Variants in INPP5D observed in about 807,000 individuals in gnomAD.
INPP5D encodes the protein phosphatidylinositol 3,4,5-trisphosphate 5-phosphatase 1.
In INPP5D, 33 loss-of-function variants were observed where a neutral mutation model predicts 122.9. The ratio of observed to expected loss-of-function variants is 0.27; its 90% CI spans 0.20 to 0.36. INPP5D has a LOEUF of 0.36. INPP5D is among the 10% of genes least tolerant of loss of function. The pLI is 1.00. For missense variants in INPP5D, 1,053 were observed against 1,412.7 expected (o/e 0.75, Z 4.08); for synonymous variants, 584 against 576.2 (o/e 1.01, Z -0.19).
chr2:233,178,211 C>T (rs1197522872), intron 18 of INPP5D, among the ~76,000 whole-genome samples: 2 of 152,044 alleles, frequency 1.3e-5, no homozygotes, highest in Non-Finnish European at 2.9e-5. Context: ...GGGGGAGGAT[C>T]GCTTGAGCCC....
chr2:233,122,734 G>A (rs1693026800), intron 3 of INPP5D, among the ~76,000 whole-genome samples: 1 of 152,272 alleles, frequency 6.6e-6, no homozygotes, highest in African/African-American at 2.4e-5. Flanking sequence ...TTGAGTCCAG[G>A]AGTTCAAGGT....
At chr2:233,066,729 C>T (rs1346230512) in intron 1 of INPP5D, among the ~76,000 whole-genome samples, 1 of 151,892 alleles carries the variant, frequency 6.6e-6, no homozygotes, top group Non-Finnish European at 1.5e-5. Context: ...GCCTCAGGCT[C>T]CTGAGTAGCT....
At chr2:233,165,125 G>C (rs1694294403) in intron 13 of INPP5D, among the ~76,000 whole-genome samples, 1 of 151,956 alleles carries the variant, frequency 6.6e-6, no homozygotes, top group Non-Finnish European at 1.5e-5. Flanking sequence ...ATGTGAGTTT[G>C]TGTGAGTGAC....
At chr2:233,152,673 C>T (rs1022654147) in intron 9 of INPP5D, among the ~76,000 whole-genome samples, 17 of 152,092 alleles carry the variant, frequency 1.1e-4, no homozygotes, top group Admixed American at 9.8e-4. Flanking sequence ...TGGCTGTGCC[C>T]AACCCAGGGA....
At chr2:233,148,686 G>T (rs539976676) in intron 9 of INPP5D, among the ~76,000 whole-genome samples, 2 of 152,086 alleles carry the variant, frequency 1.3e-5, no homozygotes, top group Non-Finnish European at 2.9e-5. Context: ...GGCTGATGGC[G>T]AATGGACATC....
At chr2:233,195,639 G>A (rs1695165328) in intron 24 of INPP5D, 144 bp downstream of exon 24, 1 of 1,404,228 alleles carries the variant, frequency 7.1e-7, no homozygotes, top group Non-Finnish European at 9.6e-7. Flanking sequence ...TTGAGCCTAG[G>A]AGTTTGAGAC....
rs1691596737 is a variant in INPP5D at position 233,078,870 on chromosome 2, A to G, written c.135-465A>G. Among the ~76,000 whole-genome samples the G allele has an allele frequency of 6.6e-6, 1 of 151,896 alleles. No individual in the cohort carries two copies. The highest frequency in any genetic ancestry group is 1.5e-5 in the Non-Finnish European group (1 of 67,976). On this transcript the variant is annotated intron_variant, in intron 1 of 26. Coordinates refer to ENST00000445964, the MANE Select transcript of INPP5D (RefSeq NM_001017915.3). The surrounding 1 kb of genome is among the most constrained non-coding windows in gnomAD (Gnocchi z 4.6). ...GCTAATTTTTGTATTTTTAGTAGAG[A>G]TGGGATTTCACCATGTTGGCCAGGA...
chr2:233,061,917 C>G (rs1426307290), intron 1 of INPP5D, among the ~76,000 whole-genome samples: 1 of 152,234 alleles, frequency 6.6e-6, no homozygotes, highest in African/African-American at 2.4e-5. Flanking sequence ...TCAGCTGGGG[C>G]ACTGGAAACC....
rs1407255183 is a variant in INPP5D at position 233,189,401 on chromosome 2, G to A, written c.2359-449G>A. On this transcript the variant is annotated intron_variant, in intron 21 of 26. Transcript: ENST00000445964. This position sits in a 1 kb window ranked among gnomAD's most constrained non-coding sequence, Gnocchi z 5.6. ...GCTGGGATGCAGCCACAGTCCTGGA[G>A]GGGGCCAAGGAGAAATTCTGTGCTC... Among the ~76,000 whole-genome samples the A allele has an allele frequency of 6.6e-6, 1 of 152,234 alleles. No homozygotes were observed. Among genetic ancestry groups the A allele is most frequent in the Non-Finnish European group, 1.5e-5 (1 of 68,044 alleles).
intron 2 of INPP5D, among the ~76,000 whole-genome samples, chr2:233,114,526 G>A (rs1183313420): frequency 5.3e-5 from 8 of 152,166 alleles, no homozygotes; most frequent in Admixed American, 3.3e-4. Context: ...GGGCAAACGC[G>A]GCAGGAGGTC....
chr2:233,147,626 C>A (rs193042001), intron 9 of INPP5D, 32 bp downstream of exon 9: 2 of 699,778 alleles, frequency 2.9e-6, no homozygotes, highest in Non-Finnish European at 5.2e-6. Flanking sequence ...AACCACTGCC[C>A]CTCACCTGCC....
intron 26 of INPP5D, chr2:233,204,941 A>G (rs920367908): frequency 3.0e-6 from 2 of 657,354 alleles, no homozygotes; most frequent in Admixed American, 7.6e-5. Flanking sequence ...TGTCCCACAC[A>G]TCCCTGACCC....
At chr2:233,112,079 A>G (rs1025305419) in intron 2 of INPP5D, among the ~76,000 whole-genome samples, 3 of 151,620 alleles carry the variant, frequency 2.0e-5, no homozygotes, top group Non-Finnish European at 2.9e-5. Context: ...AAAAAAAAAA[A>G]AAGAACAATG....
chr2:233,080,700 G>A (rs1448758741), intron 2 of INPP5D, among the ~76,000 whole-genome samples: 2 of 152,194 alleles, frequency 1.3e-5, no homozygotes, highest in Admixed American at 6.5e-5. Context: ...GTGCTAACTA[G>A]GATGCAGTAG....
At chr2:233,148,466 C>A (rs1693830870) in intron 9 of INPP5D, among the ~76,000 whole-genome samples, 1 of 152,124 alleles carries the variant, frequency 6.6e-6, no homozygotes, top group Non-Finnish European at 1.5e-5. Flanking sequence ...GGGCAGGGGT[C>A]TGAGGGAAGA....
At chr2:233,068,177 C>T (rs530785951) in intron 1 of INPP5D, among the ~76,000 whole-genome samples, 57 of 151,360 alleles carry the variant, frequency 3.8e-4, no homozygotes, top group African/African-American at 1.4e-3. Context: ...CCCAGCTACT[C>T]GAGAGGCTGA....
rs1391538317 is a variant in INPP5D at position 233,189,279 on chromosome 2, C to T, written c.2359-571C>T. Among the ~76,000 whole-genome samples the T allele has an allele frequency of 6.6e-6, 1 of 152,236 alleles. No homozygotes were observed. The highest frequency in any genetic ancestry group is 1.9e-4 in the East Asian group (1 of 5,198). On this transcript the variant is annotated intron_variant, in intron 21 of 26. Transcript: ENST00000445964. The surrounding 1 kb of genome is among the most constrained non-coding windows in gnomAD (Gnocchi z 5.6). ...GTCATTCGCTGAGCCACACCCCCAACAATCGGTAGGACACTCCAGGCCCAG... is the reference window on the plus strand; with the variant it reads ...GTCATTCGCTGAGCCACACCCCCAATAATCGGTAGGACACTCCAGGCCCAG...
chr2:233,199,696 G>A (rs1407688717), intron 25 of INPP5D, among the ~76,000 whole-genome samples: 2 of 151,460 alleles, frequency 1.3e-5, no homozygotes, highest in African/African-American at 4.9e-5. Context: ...AGATGTGCTG[G>A]CACGCACCTG....
chr2:233,116,635 C>T (rs1025969961), intron 2 of INPP5D, among the ~76,000 whole-genome samples: 21 of 139,622 alleles, frequency 1.5e-4, no homozygotes, highest in African/African-American at 4.3e-4. Flanking sequence ...CTCACTCTGT[C>T]GCCCAGGCTG....
Sources: gnomAD v4.1 joint callset for allele counts (sites outside exome capture counted in the v4.1 genomes callset) on GRCh38, gnomAD v4.1.1 for gene constraint, Gnocchi (gnomAD v3.1) non-coding constraint, MANE v1.5 for transcripts, NCBI Gene and HGNC (gene_info 2026-07-23, HGNC 2026-07-21) for gene names.